MAML3: variants seen among roughly 807,000 people sequenced by gnomAD.
MAML3 encodes the protein mastermind-like protein 3.
MAML3 carries 27 observed loss-of-function variants against 101.9 expected under a neutral mutation model. The observed-to-expected ratio is 0.27, with a 90% confidence interval of 0.20 to 0.37. The LOEUF (loss-of-function observed/expected upper bound fraction) is 0.37, where lower values mean the gene tolerates loss of function less well. Among genes scored for constraint, MAML3 ranks in the 10% least tolerant of loss-of-function variants. The pLI is 1.00. For missense variants in MAML3, 1,316 were observed against 1,444.9 expected, an observed-to-expected ratio of 0.91 and a Z score of 1.45; for synonymous variants, 501 against 555.9, an observed-to-expected ratio of 0.90 and a Z score of 1.39.
At chr4:139,729,329 C>T (rs1361853252) in intron 3 of MAML3, among the ~76,000 whole-genome samples, 2 of 152,082 alleles carry the variant, frequency 1.3e-5, no homozygotes, top group African/African-American at 4.8e-5. Flanking sequence ...AGTAAATTTG[C>T]AAAATTCTGG....
intron 1 of MAML3, among the ~76,000 whole-genome samples, chr4:140,072,666 G>A (rs1727680335): frequency 7.9e-6 from 1 of 127,354 alleles, no homozygotes; most frequent in South Asian, 2.7e-4. Context: ...GCAAAACTCC[G>A]TCTCAAAAAA....
At chr4:140,035,736 C>T (rs1398843821) in intron 1 of MAML3, among the ~76,000 whole-genome samples, 1 of 151,154 alleles carries the variant, frequency 6.6e-6, no homozygotes, top group African/African-American at 2.4e-5. Flanking sequence ...TGAGCCGAGA[C>T]TGCACCACTG....
intron 1 of MAML3, among the ~76,000 whole-genome samples, chr4:140,037,568 A>G (rs1434983535): frequency 6.6e-6 from 1 of 152,232 alleles, no homozygotes. Flanking sequence ...GTCTCCCACA[A>G]TGTGACTCAC....
At chr4:139,919,388 T>C (rs1036496002) in intron 1 of MAML3, among the ~76,000 whole-genome samples, 1 of 152,212 alleles carries the variant, frequency 6.6e-6, no homozygotes, top group Non-Finnish European at 1.5e-5. Context: ...TAAATCCCAT[T>C]TTATTTTGAA....
intron 1 of MAML3, among the ~76,000 whole-genome samples, chr4:139,991,791 A>C (rs1362606784): frequency 6.6e-6 from 1 of 152,084 alleles, no homozygotes; most frequent in African/African-American, 2.4e-5. Context: ...GGCTGGAGTG[A>C]GCCATGATCA....
At chr4:140,010,683 A>G (rs1025447644) in intron 1 of MAML3, among the ~76,000 whole-genome samples, 2 of 152,170 alleles carry the variant, frequency 1.3e-5, no homozygotes, top group Non-Finnish European at 2.9e-5. Context: ...GTTAGGAAAA[A>G]TCCTTTAAGA....
At chr4:139,845,607 C>A (rs192030235) in intron 2 of MAML3, among the ~76,000 whole-genome samples, 1 of 152,088 alleles carries the variant, frequency 6.6e-6, no homozygotes, top group Non-Finnish European at 1.5e-5. Context: ...AAAGCAGGAA[C>A]CTACTTTGAA....
chr4:140,147,669 A>G (rs1432136625), intron 1 of MAML3, among the ~76,000 whole-genome samples: 1 of 152,240 alleles, frequency 6.6e-6, no homozygotes, highest in Non-Finnish European at 1.5e-5. Flanking sequence ...GTTCCTCTTT[A>G]TAAGAGTCTG....
rs139078631 is a variant in MAML3, at chr4:139,716,767, C to G, written c.*2556G>C. 2 of 152,428 alleles carry G rather than the reference C, an allele frequency of 1.3e-5. No individual in the cohort carries two copies. The highest frequency in any genetic ancestry group is 3.8e-4 in the East Asian group (2 of 5,206). The allele number at this position is 152,428 out of a possible 1,614,324, so 9.4% of individuals were successfully genotyped here. ...TATACTTTGGATTGATTCAGATAAT[C>G]TTTTATTTTTGTTTTTGTTTTCTTT... On this transcript the variant is annotated 3_prime_UTR_variant, in exon 5 of 5. Coordinates refer to ENST00000509479, the MANE Select transcript of MAML3 (RefSeq NM_018717.5).
At chr4:140,110,846 A>T (rs1728428145) in intron 1 of MAML3, among the ~76,000 whole-genome samples, 1 of 152,230 alleles carries the variant, frequency 6.6e-6, no homozygotes, top group Non-Finnish European at 1.5e-5. Flanking sequence ...AGTTACATGA[A>T]GTGGTACCTA....
intron 1 of MAML3, among the ~76,000 whole-genome samples, chr4:139,908,031 T>G (rs72931688): frequency 0.022 from 3,364 of 152,272 alleles, 108 homozygotes; most frequent in African/African-American, 0.076. Flanking sequence ...TGAGGGGCTC[T>G]GGGACCTAGA....
Position 139,863,150 on chromosome 4 carries a change from CAAAAA to C in MAML3, c.2079+26202_2079+26206del, listed in dbSNP as rs34108210. Among the ~76,000 whole-genome samples the C allele has an allele frequency of 2.8e-3, 315 of 114,106 alleles. 1 individual carries two copies. Among genetic ancestry groups the C allele is most frequent in the African/African-American group, 7.7e-3 (236 of 30,820 alleles). The allele number at this position is 114,106 out of a possible 152,430, so 74.9% of individuals were successfully genotyped here. A position where few individuals can be genotyped will look rare whatever the true frequency, so the allele number is the denominator to read the frequency against. On this transcript the variant is annotated intron_variant, in intron 2 of 4. Coordinates refer to ENST00000509479, the MANE Select transcript of MAML3 (RefSeq NM_018717.5). Reference sequence around the variant, plus strand: ...GGGTGACAGAGTGAGACTCTGTCTCCAAAAAAAAAAAAAAAAAAAATAGTAGTACC... The same window carrying C: ...GGGTGACAGAGTGAGACTCTGTCTCCAAAAAAAAAAAAAAATAGTAGTACC...
At chr4:139,902,445 T>C (rs1225035933) in intron 1 of MAML3, among the ~76,000 whole-genome samples, 1 of 152,214 alleles carries the variant, frequency 6.6e-6, no homozygotes, top group Non-Finnish European at 1.5e-5. Flanking sequence ...TGTCATTATT[T>C]GCATGTCTTT....
intron 1 of MAML3, among the ~76,000 whole-genome samples, chr4:140,090,438 C>T (rs1277726570): frequency 8.5e-5 from 13 of 152,214 alleles, no homozygotes; most frequent in Admixed American, 8.5e-4. Context: ...AACATTTAAT[C>T]AGCACTTAGT....
intron 2 of MAML3, among the ~76,000 whole-genome samples, chr4:139,767,691 C>T (rs2111062746): frequency 6.6e-6 from 1 of 152,292 alleles, no homozygotes; most frequent in Middle Eastern, 3.4e-3. Flanking sequence ...CATAGTATTT[C>T]TTAAATGAAA....
At chr4:140,007,141 A>AT (rs991755394) in intron 1 of MAML3, among the ~76,000 whole-genome samples, 6 of 152,226 alleles carry the variant, frequency 3.9e-5, no homozygotes, top group African/African-American at 1.2e-4. Flanking sequence ...GCTTATCGGC[A>AT]TTTTTTTAAA....
chr4:139,859,865 G>C (rs1209790358), intron 2 of MAML3, among the ~76,000 whole-genome samples: 1 of 152,188 alleles, frequency 6.6e-6, no homozygotes. Flanking sequence ...ACATCGAGAA[G>C]GTTTTAAACG....
At chr4:140,049,751 A>C (rs1727238162) in intron 1 of MAML3, among the ~76,000 whole-genome samples, 1 of 152,128 alleles carries the variant, frequency 6.6e-6, no homozygotes, top group East Asian at 1.9e-4. Context: ...GGCAAAAAAT[A>C]AGAGATAAGA....
Position 139,772,036 on chromosome 4 carries a change from C to A in MAML3, c.2080-41369G>T, listed in dbSNP as rs6810777. Among the ~76,000 whole-genome samples, 996 of 151,150 alleles carry A rather than the reference C, an allele frequency of 6.6e-3. 10 individuals carry two copies. The highest frequency in any genetic ancestry group is 0.022 in the African/African-American group (892 of 41,166). ...GGGCGGATCACGAGGTCAGCAGATC[C>A]AGACCATCCTGGCTAACACGGTGAA... On this transcript the variant is annotated intron_variant, in intron 2 of 4. Transcript: ENST00000509479.
Sources: gnomAD v4.1 joint callset for allele counts (sites outside exome capture counted in the v4.1 genomes callset) on GRCh38, gnomAD v4.1.1 for gene constraint, MANE v1.5 for transcripts, NCBI Gene and HGNC (gene_info 2026-07-23, HGNC 2026-07-21) for gene names.